CSRNP3: variants seen among roughly 807,000 people sequenced by gnomAD.
CSRNP3 encodes cysteine/serine-rich nuclear protein 3.
Under a neutral mutation model 48.0 loss-of-function variants are expected in CSRNP3, and 12 were observed. The observed-to-expected ratio is 0.25, with a 90% CI of 0.16 to 0.41. The LOEUF (loss-of-function observed/expected upper bound fraction) is 0.41, where lower values mean the gene tolerates loss of function less well. Among genes scored for constraint, CSRNP3 ranks in the 10% least tolerant of loss-of-function variants. CSRNP3 has a pLI of 1.00. For synonymous variants in CSRNP3, 263 were observed against 269.7 expected, an observed-to-expected ratio of 0.98 and a Z score of 0.24; for missense variants, 580 against 724.4, an observed-to-expected ratio of 0.80 and a Z score of 2.29.
At chr2:165,513,151 T>C (rs1290832019) in intron 2 of CSRNP3, among the ~76,000 whole-genome samples, 2 of 152,150 alleles carry the variant, frequency 1.3e-5, no homozygotes, top group East Asian at 1.9e-4. Flanking sequence ...GATTGCTGTC[T>C]CCTGCTAGAT....
intron 1 of CSRNP3, among the ~76,000 whole-genome samples, chr2:165,481,977 C>T (rs1281203559): frequency 1.3e-5 from 2 of 152,098 alleles, no homozygotes; most frequent in African/African-American, 4.8e-5. Flanking sequence ...CTAGTGAGTA[C>T]TATGCTCACT....
chr2:165,614,898 T>C (rs1406793614), intron 4 of CSRNP3, among the ~76,000 whole-genome samples: 1 of 152,228 alleles, frequency 6.6e-6, no homozygotes, highest in East Asian at 1.9e-4. Context: ...ATTTCTAGTT[T>C]CTTTTTCATT....
intron 3 of CSRNP3, among the ~76,000 whole-genome samples, chr2:165,582,805 A>T (rs1411905771): frequency 1.3e-5 from 2 of 152,166 alleles, no homozygotes; most frequent in Non-Finnish European, 2.9e-5. Flanking sequence ...TTCATTTCTT[A>T]ATCAAATTCT....
At chr2:165,576,001 T>C (rs182622873) in intron 3 of CSRNP3, among the ~76,000 whole-genome samples, 2 of 151,700 alleles carry the variant, frequency 1.3e-5, no homozygotes, top group African/African-American at 4.8e-5. Context: ...TTGGTCAGAA[T>C]ATGCTGTCCT....
At chr2:165,597,583 C>T (rs1685834162) in intron 4 of CSRNP3, among the ~76,000 whole-genome samples, 1 of 151,648 alleles carries the variant, frequency 6.6e-6, no homozygotes, top group Non-Finnish European at 1.5e-5. Flanking sequence ...GAAATAATCA[C>T]ATTGGAAAAT....
At chr2:165,552,630 T>A (rs1685112423) in intron 3 of CSRNP3, among the ~76,000 whole-genome samples, 1 of 152,186 alleles carries the variant, frequency 6.6e-6, no homozygotes, top group Admixed American at 6.5e-5. Context: ...TCTCCTTCCC[T>A]GAAAATGTTA....
chr2:165,567,352 T>G (rs1341713999), intron 3 of CSRNP3, among the ~76,000 whole-genome samples: 1 of 152,134 alleles, frequency 6.6e-6, no homozygotes, highest in Non-Finnish European at 1.5e-5. Context: ...TTTGTAATGA[T>G]AGAGACTTAA....
Position 165,689,217 on chromosome 2 carries a change from A to G in CSRNP3, c.*9464A>G, listed in dbSNP as rs1272516427. The G allele has an allele frequency of 1.3e-5, 2 of 152,154 alleles. No homozygotes were observed. Among genetic ancestry groups the G allele is most frequent in the Non-Finnish European group, 2.9e-5 (2 of 68,016 alleles). The allele number at this position is 152,154 out of a possible 1,614,324, so 9.4% of individuals were successfully genotyped here. A position where few individuals can be genotyped will look rare whatever the true frequency, so the allele number is the denominator to read the frequency against. On this transcript the variant is annotated 3_prime_UTR_variant, in exon 7 of 7. Transcript: ENST00000651982. ...ATTTTCAGTATTTATTATGAATGAC[A>G]TGGAAATTCGTGTATTTATTGTGGC...
At chr2:165,536,298 C>G (rs563271503) in intron 3 of CSRNP3, among the ~76,000 whole-genome samples, 4 of 151,880 alleles carry the variant, frequency 2.6e-5, no homozygotes, top group Non-Finnish European at 5.9e-5. Context: ...CTCTTGTTAA[C>G]CTAGTTATAA....
chr2:165,674,498 A>G (rs1558970687), intron 5 of CSRNP3, among the ~76,000 whole-genome samples: 1 of 151,628 alleles, frequency 6.6e-6, no homozygotes, highest in Non-Finnish European at 1.5e-5. Context: ...TAAACAATAC[A>G]TATGTAAAGA....
chr2:165,609,084 G>GCGA (rs1686084254), intron 4 of CSRNP3, among the ~76,000 whole-genome samples: 1 of 150,678 alleles, frequency 6.6e-6, no homozygotes, highest in Non-Finnish European at 1.5e-5. Flanking sequence ...TCCAGCCTGG[G>GCGA]CGACAGAGCA....
At chr2:165,538,467 G>A (rs928215465) in intron 3 of CSRNP3, among the ~76,000 whole-genome samples, 1 of 151,708 alleles carries the variant, frequency 6.6e-6, no homozygotes, top group Non-Finnish European at 1.5e-5. Context: ...AGCTAGGTGC[G>A]TATTCTATCC....
At chr2:165,624,706 C>T (rs749010052) in intron 4 of CSRNP3, among the ~76,000 whole-genome samples, 3 of 152,186 alleles carry the variant, frequency 2.0e-5, no homozygotes, top group Admixed American at 6.5e-5. Context: ...GGTTCTCACC[C>T]TTACTTCCCC....
chr2:165,673,362 T>A (rs1179749110), intron 5 of CSRNP3, among the ~76,000 whole-genome samples: 4 of 151,888 alleles, frequency 2.6e-5, no homozygotes, highest in Admixed American at 2.6e-4. Context: ...GGTCTCGAAC[T>A]CCTGACCTCA....
intron 3 of CSRNP3, among the ~76,000 whole-genome samples, chr2:165,551,026 C>G (rs574128453): frequency 5.9e-5 from 9 of 151,722 alleles, no homozygotes; most frequent in Middle Eastern, 3.4e-3. Context: ...TTTTCCTTAC[C>G]TTTTTCTATC....
intron 5 of CSRNP3, among the ~76,000 whole-genome samples, chr2:165,659,002 A>T (rs1408681703): frequency 6.6e-6 from 1 of 152,216 alleles, no homozygotes; most frequent in Non-Finnish European, 1.5e-5. Context: ...GAATGAAGTA[A>T]CGTGAAGGAG....
intron 4 of CSRNP3, among the ~76,000 whole-genome samples, chr2:165,595,781 A>T (rs1685799950): frequency 6.6e-6 from 1 of 151,798 alleles, no homozygotes; most frequent in Non-Finnish European, 1.5e-5. Context: ...ATAAAAATCT[A>T]TGCTTTATTT....
intron 3 of CSRNP3, among the ~76,000 whole-genome samples, chr2:165,541,080 CA>C (rs1299879003): frequency 6.6e-6 from 1 of 151,930 alleles, no homozygotes; most frequent in Non-Finnish European, 1.5e-5. Context: ...ACCAAACAAT[CA>C]ACCTATTTTA....
chr2:165,681,831 A>ATG lies in CSRNP3; in HGVS notation c.*2079_*2080insGT, dbSNP rs1687553195. ...TGTGTGTGTGTGTGTGTGTGTGTGT[A>ATG]TATATATATATCCCATGTTGTCTGC... On this transcript the variant is annotated 3_prime_UTR_variant, in exon 7 of 7. Transcript: ENST00000651982. 1 of 138,154 alleles carries ATG rather than the reference A, an allele frequency of 7.2e-6. No individual in the cohort carries two copies. The allele number at this position is 138,154 out of a possible 1,614,324, so 8.6% of individuals were successfully genotyped here.
Sources: allele counts gnomAD v4.1 joint callset (sites outside exome capture counted in the v4.1 genomes callset), GRCh38; gene constraint gnomAD v4.1.1; transcripts MANE v1.5; gene names NCBI Gene and HGNC (gene_info 2026-07-23, HGNC 2026-07-21).